PCED1B: variants seen among roughly 807,000 people sequenced by gnomAD.
PCED1B encodes the protein PC-esterase domain-containing protein 1B.
For synonymous variants in PCED1B, 251 were observed against 246.1 expected (o/e 1.02, Z -0.19); for missense variants, 573 against 573.9 (o/e 1.00, Z 0.02).
At chr12:47,147,379 C>G (rs1325958820) in intron 2 of PCED1B, among the ~76,000 whole-genome samples, 1 of 152,142 alleles carries the variant, frequency 6.6e-6, no homozygotes, top group Non-Finnish European at 1.5e-5. Flanking sequence ...CGGCCCTATT[C>G]TTTGCAGTTG....
intron 3 of PCED1B, among the ~76,000 whole-genome samples, chr12:47,222,870 A>G (rs1943526594): frequency 6.6e-6 from 1 of 152,166 alleles, no homozygotes; most frequent in Non-Finnish European, 1.5e-5. Context: ...GGGAATTGAT[A>G]AGGGGATGGT....
chr12:47,175,054 A>T (rs1941878334), intron 2 of PCED1B, among the ~76,000 whole-genome samples: 1 of 152,210 alleles, frequency 6.6e-6, no homozygotes. Flanking sequence ...ATATACATCT[A>T]TAATTATTTT....
intron 2 of PCED1B, among the ~76,000 whole-genome samples, chr12:47,145,043 C>T (rs1322458487): frequency 6.6e-6 from 1 of 152,138 alleles, no homozygotes; most frequent in Non-Finnish European, 1.5e-5. Context: ...GTTGTAAATG[C>T]AAAAGAAAAA....
chr12:47,097,465 T>A (rs1314045971), intron 1 of PCED1B, among the ~76,000 whole-genome samples: 2 of 152,176 alleles, frequency 1.3e-5, no homozygotes, highest in African/African-American at 4.8e-5. Context: ...GGGCTGATAA[T>A]ATTTTGTTTA....
intron 2 of PCED1B, among the ~76,000 whole-genome samples, chr12:47,123,162 A>G (rs1055807809): frequency 6.6e-6 from 1 of 152,192 alleles, no homozygotes; most frequent in African/African-American, 2.4e-5. Context: ...AAACAAGGTA[A>G]TGTCTTTGAT....
intron 3 of PCED1B, among the ~76,000 whole-genome samples, chr12:47,217,561 T>G (rs67258774): frequency 0.32 from 40,167 of 125,318 alleles, 10,743 homozygotes; most frequent in African/African-American, 0.64. Context: ...AGAAAGAAAA[T>G]AATTTCTTAG....
At chr12:47,096,730 G>T (rs1285999511) in intron 1 of PCED1B, among the ~76,000 whole-genome samples, 1 of 152,104 alleles carries the variant, frequency 6.6e-6, no homozygotes, top group Non-Finnish European at 1.5e-5. Flanking sequence ...TACTTGCTTT[G>T]TTTAATAATT....
At chr12:47,101,128 A>T (rs902494054) in intron 1 of PCED1B, among the ~76,000 whole-genome samples, 1 of 152,196 alleles carries the variant, frequency 6.6e-6, no homozygotes, top group Non-Finnish European at 1.5e-5. Context: ...AATCTAGTTT[A>T]TTCCATTCCA....
intron 2 of PCED1B, among the ~76,000 whole-genome samples, chr12:47,141,045 A>G (rs1940571329): frequency 6.6e-6 from 1 of 152,184 alleles, no homozygotes; most frequent in Admixed American, 6.5e-5. Flanking sequence ...AAAGGATGAG[A>G]CTGTATAATG....
At chr12:47,207,739 A>T (rs955880962) in intron 2 of PCED1B, among the ~76,000 whole-genome samples, 2 of 152,230 alleles carry the variant, frequency 1.3e-5, no homozygotes. Flanking sequence ...CAGTCTTGTG[A>T]GCTGGCCCCT....
intron 2 of PCED1B, among the ~76,000 whole-genome samples, chr12:47,215,070 A>C (rs1025392156): frequency 6.6e-6 from 1 of 151,592 alleles, no homozygotes; most frequent in East Asian, 1.9e-4. Flanking sequence ...GTAGTCATGC[A>C]CTGGGACCTT....
At chr12:47,139,121 T>A (rs143929408) in intron 2 of PCED1B, among the ~76,000 whole-genome samples, 1 of 152,214 alleles carries the variant, frequency 6.6e-6, no homozygotes, top group African/African-American at 2.4e-5. Flanking sequence ...AATAGTGACA[T>A]AATAGGTACT....
At chr12:47,095,439 C>A (rs1938446678) in intron 1 of PCED1B, among the ~76,000 whole-genome samples, 1 of 152,024 alleles carries the variant, frequency 6.6e-6, no homozygotes, top group Admixed American at 6.6e-5. Context: ...CTTTATCTTG[C>A]TCCTTGTTCT....
chr12:47,079,893 G>A (rs1391666255), intron 1 of PCED1B, 168 bp downstream of exon 1: 1 of 150,668 alleles, frequency 6.6e-6, no homozygotes, highest in Non-Finnish European at 1.5e-5. Flanking sequence ...GGGGCCGGGA[G>A]ACGGGCTGGG....
intron 3 of PCED1B, among the ~76,000 whole-genome samples, chr12:47,219,863 T>C (rs1943418481): frequency 6.6e-6 from 1 of 152,146 alleles, no homozygotes; most frequent in South Asian, 2.1e-4. Flanking sequence ...GAGCCATACT[T>C]CTTCCTAAAG....
chr12:47,125,527 T>A (rs1266327427), intron 2 of PCED1B, among the ~76,000 whole-genome samples: 1 of 152,048 alleles, frequency 6.6e-6, no homozygotes, highest in Non-Finnish European at 1.5e-5. Flanking sequence ...TATGATTAGC[T>A]TGTCGATTTT....
Position 47,235,209 on chromosome 12 carries a change from G to A in PCED1B, c.146G>A (p.Arg49Lys). 2 of 1,607,374 alleles carry A rather than the reference G, an allele frequency of 1.2e-6. No homozygotes were observed. The highest frequency in any genetic ancestry group is 2.2e-5 in the South Asian group (2 of 89,656). Residue 49 changes from arginine to lysine, a missense_variant, in exon 4 of 4, where the codon AGA (arginine) becomes AAA (lysine). Arg to Lys is a conservative substitution (Grantham distance 26). Transcript: ENST00000546455. The part of the protein sequence containing the change: ...KDRLLTPGQL[R>K]ARGELNFEQD... Reference sequence around the variant, plus strand: ...CGCCTGCTCACTCCCGGGCAGCTTAGAGCAAGGGGGGAGCTGAACTTCGAA... The same window carrying A: ...CGCCTGCTCACTCCCGGGCAGCTTAAAGCAAGGGGGGAGCTGAACTTCGAA...
intron 1 of PCED1B, among the ~76,000 whole-genome samples, chr12:47,088,239 C>T (rs1024213593): frequency 2.0e-5 from 3 of 152,182 alleles, no homozygotes; most frequent in Non-Finnish European, 4.4e-5. Flanking sequence ...TTTGCTGAAC[C>T]TAATGGCTAG....
chr12:47,193,287 G>A (rs969469077), intron 2 of PCED1B, among the ~76,000 whole-genome samples: 6 of 152,110 alleles, frequency 3.9e-5, no homozygotes, highest in Admixed American at 1.3e-4. Flanking sequence ...TTTGCATTCC[G>A]GCATCTGACC....
Sources: gnomAD v4.1 joint callset for allele counts (sites outside exome capture counted in the v4.1 genomes callset) on GRCh38, gnomAD v4.1.1 for gene constraint, MANE v1.5 for transcripts, NCBI Gene and HGNC (gene_info 2026-07-23, HGNC 2026-07-21) for gene names.